ADAMTSL1: variants seen among roughly 807,000 people sequenced by gnomAD.
The protein encoded by ADAMTSL1 is ADAMTS like 1.
ADAMTSL1 carries 126 observed loss-of-function variants against 201.8 expected under a neutral mutation model. The observed-to-expected ratio is 0.62, with a 90% confidence interval of 0.54 to 0.72. ADAMTSL1 has a LOEUF of 0.72. Ranked by LOEUF, ADAMTSL1 falls within the 30% of genes least tolerant of loss-of-function variation. The pLI is 0.00. For synonymous variants in ADAMTSL1, 1,121 were observed against 903.4 expected (o/e 1.24, Z -4.32); for missense variants, 2,679 against 2,277.8 (o/e 1.18, Z -3.59).
intron 2 of ADAMTSL1, among the ~76,000 whole-genome samples, chr9:18,445,390 T>C (rs79471635): frequency 0.024 from 3,628 of 152,268 alleles, 114 homozygotes; most frequent in African/African-American, 0.071. Context: ...AGACAAAATC[T>C]TTAGAGTTCA....
intron 1 of ADAMTSL1, among the ~76,000 whole-genome samples, chr9:18,093,476 A>C (rs1239438456): frequency 6.6e-6 from 1 of 152,222 alleles, no homozygotes; most frequent in Non-Finnish European, 1.5e-5. Flanking sequence ...CCGCATTGGA[A>C]ATAGCCCTCA....
chr9:17,946,898 T>C (rs1204883260), intron 1 of ADAMTSL1, among the ~76,000 whole-genome samples: 1 of 152,130 alleles, frequency 6.6e-6, no homozygotes, highest in Admixed American at 6.6e-5. Flanking sequence ...TACTTGATTT[T>C]GAGCAGAATG....
intron 2 of ADAMTSL1, among the ~76,000 whole-genome samples, chr9:18,347,869 G>A (rs946965596): frequency 9.9e-5 from 15 of 152,136 alleles, no homozygotes; most frequent in African/African-American, 3.6e-4. Context: ...TTCAGAGGCA[G>A]ATGTGGGCAC....
chr9:18,393,180 A>T (rs533215328), intron 2 of ADAMTSL1, among the ~76,000 whole-genome samples: 1 of 152,224 alleles, frequency 6.6e-6, no homozygotes, highest in African/African-American at 2.4e-5. Flanking sequence ...ACAGTCTATT[A>T]TCCTTTATAC....
At chr9:18,368,517 A>G (rs1836890355) in intron 2 of ADAMTSL1, among the ~76,000 whole-genome samples, 2 of 152,176 alleles carry the variant, frequency 1.3e-5, no homozygotes, top group Non-Finnish European at 2.9e-5. Flanking sequence ...CTTACAGAAG[A>G]GGAAATTGAC....
Position 18,905,911 on chromosome 9 carries a change from C to T in ADAMTSL1, c.4961+20C>T. 2.5e-6 allele frequency: 4 copies of T among 1,570,074 alleles called. No homozygotes were observed. The highest frequency in any genetic ancestry group is 3.5e-6 in the Non-Finnish European group (4 of 1,148,174). On this transcript the variant is annotated intron_variant, in intron 27 of 28. Coordinates refer to ENST00000380548, the MANE Select transcript of ADAMTSL1 (RefSeq NM_001040272.6). ...TCCGAGGTAAGAGAAAGCCCTGAAT[C>T]TCCTTTTCCCAGCCCCATGTCAACA...
intron 3 of ADAMTSL1, among the ~76,000 whole-genome samples, chr9:18,540,936 T>C (rs1007781152): frequency 7.2e-5 from 11 of 152,094 alleles, no homozygotes; most frequent in African/African-American, 2.7e-4. Flanking sequence ...ACAGACGCAC[T>C]CTCTCCAGTA....
At chr9:18,717,297 A>G (rs1349263061) in intron 14 of ADAMTSL1, among the ~76,000 whole-genome samples, 1 of 150,828 alleles carries the variant, frequency 6.6e-6, no homozygotes, top group Non-Finnish European at 1.5e-5. Context: ...AATAAAAAAT[A>G]AAGAAATTTG....
chr9:18,389,938 G>A (rs1284399134), intron 2 of ADAMTSL1, among the ~76,000 whole-genome samples: 1 of 152,038 alleles, frequency 6.6e-6, no homozygotes, highest in Non-Finnish European at 1.5e-5. Context: ...CTCATCTTAT[G>A]TATTCACCTA....
At chr9:18,522,478 A>C (rs1469978233) in intron 2 of ADAMTSL1, among the ~76,000 whole-genome samples, 2 of 152,076 alleles carry the variant, frequency 1.3e-5, no homozygotes, top group Non-Finnish European at 2.9e-5. Flanking sequence ...TCTAAGGTAC[A>C]TGTGCACAAT....
chr9:18,862,572 A>G (rs539329216), intron 23 of ADAMTSL1, among the ~76,000 whole-genome samples: 1 of 152,326 alleles, frequency 6.6e-6, no homozygotes, highest in Admixed American at 6.5e-5. Flanking sequence ...GTGAAACATC[A>G]ATTTCATTCC....
intron 2 of ADAMTSL1, among the ~76,000 whole-genome samples, chr9:18,508,791 C>G (rs555942393): frequency 1.5e-4 from 23 of 152,232 alleles, no homozygotes; most frequent in Admixed American, 6.5e-4. Flanking sequence ...TACATTCTAA[C>G]ATTTTTCTCA....
intron 1 of ADAMTSL1, among the ~76,000 whole-genome samples, chr9:18,062,805 T>G (rs1586968318): frequency 6.6e-6 from 1 of 152,294 alleles, no homozygotes; most frequent in East Asian, 1.9e-4. Flanking sequence ...ATTTTTAAAA[T>G]TTTTCCCTCT....
intron 1 of ADAMTSL1, among the ~76,000 whole-genome samples, chr9:17,974,961 G>T (rs1173532721): frequency 6.6e-6 from 1 of 151,884 alleles, no homozygotes; most frequent in Non-Finnish European, 1.5e-5. Flanking sequence ...CTTAATGGTT[G>T]CACTAATTTA....
intron 1 of ADAMTSL1, among the ~76,000 whole-genome samples, chr9:17,938,702 C>G (rs1041849095): frequency 1.2e-4 from 19 of 152,146 alleles, no homozygotes; most frequent in African/African-American, 4.3e-4. Context: ...CTTCCTCCGA[C>G]AAGATCCTTC....
At position 18,713,832 on chromosome 9, in the gene ADAMTSL1, T is replaced by G. The variant is rs963350110; in HGVS notation, c.1876+6784T>G. ...CACCACACCACACCTATTCCAAAAT[T>G]GACCACATACTGGGAAGTAAAGCTC... On this transcript the variant is annotated intron_variant, in intron 14 of 28. Transcript: ENST00000380548. Among the ~76,000 whole-genome samples the G allele has an allele frequency of 6.8e-5, 10 of 146,894 alleles. 1 individual carries two copies. The highest frequency in any genetic ancestry group is 6.2e-4 in the Admixed American group (9 of 14,436).
intron 17 of ADAMTSL1, 35 bp downstream of exon 17, chr9:18,770,816 C>T: frequency 6.3e-7 from 1 of 1,595,558 alleles, no homozygotes; most frequent in African/African-American, 1.3e-5. Context: ...TGAAAGAGAT[C>T]CAAGTAGGAA....
intron 15 of ADAMTSL1, among the ~76,000 whole-genome samples, chr9:18,739,985 G>A (rs1490973210): frequency 7.3e-5 from 11 of 151,666 alleles, no homozygotes; most frequent in African/African-American, 2.7e-4. Flanking sequence ...TAGCTGCTTC[G>A]TCTCCTGTCT....
At chr9:18,345,442 C>T (rs573294872) in intron 2 of ADAMTSL1, among the ~76,000 whole-genome samples, 1 of 152,160 alleles carries the variant, frequency 6.6e-6, no homozygotes, top group East Asian at 1.9e-4. Context: ...GAATCTTTGG[C>T]CAATAACTCT....
Sources: allele counts gnomAD v4.1 joint callset (sites outside exome capture counted in the v4.1 genomes callset), GRCh38; gene constraint gnomAD v4.1.1; transcripts MANE v1.5; gene names NCBI Gene and HGNC (gene_info 2026-07-23, HGNC 2026-07-21).